PALLD: variants seen among roughly 807,000 people sequenced by gnomAD.
The protein encoded by PALLD is palladin.
A neutral mutation model predicts 123.5 loss-of-function variants in PALLD; 61 were observed. That is an observed-to-expected ratio of 0.49 (90% CI 0.40 to 0.61). PALLD has a LOEUF of 0.61. Ranked by LOEUF, PALLD falls within the 20% of genes least tolerant of loss-of-function variation. The pLI, the probability that PALLD is intolerant of heterozygous loss-of-function variation, is 0.00. For synonymous variants in PALLD, 465 were observed against 496.4 expected (o/e 0.94, Z 0.84); for missense variants, 1,273 against 1,377.0 (o/e 0.92, Z 1.20).
chr4:168,910,870 G>A (rs1467799963), intron 15 of PALLD, among the ~76,000 whole-genome samples: 1 of 152,126 alleles, frequency 6.6e-6, no homozygotes, highest in African/African-American at 2.4e-5. Context: ...GGTTAAATAT[G>A]AAAGAATTTT....
At chr4:168,819,524 A>G (rs1221153268) in intron 10 of PALLD, among the ~76,000 whole-genome samples, 1 of 152,200 alleles carries the variant, frequency 6.6e-6, no homozygotes, top group Non-Finnish European at 1.5e-5. Context: ...TTGGGAGCCA[A>G]TCCTGACATT....
intron 10 of PALLD, among the ~76,000 whole-genome samples, chr4:168,850,814 G>A (rs1747669633): frequency 6.6e-6 from 1 of 151,962 alleles, no homozygotes; most frequent in African/African-American, 2.4e-5. Flanking sequence ...TTACAGGCAT[G>A]AGCCACCGCG....
At chr4:168,708,034 G>A (rs189532353) in intron 8 of PALLD, among the ~76,000 whole-genome samples, 153 of 152,318 alleles carry the variant, frequency 1.0e-3, no homozygotes, top group Middle Eastern at 3.4e-3. Context: ...GGTGGTTAGG[G>A]TTTGGAGTCT....
At chr4:168,915,240 T>C (rs1478201637) in intron 16 of PALLD, among the ~76,000 whole-genome samples, 1 of 152,226 alleles carries the variant, frequency 6.6e-6, no homozygotes, top group Admixed American at 6.5e-5. Flanking sequence ...ACTGACAGAA[T>C]TTGTATTCAA....
intron 10 of PALLD, among the ~76,000 whole-genome samples, chr4:168,782,639 G>C (rs1736082069): frequency 6.6e-6 from 1 of 152,162 alleles, no homozygotes; most frequent in African/African-American, 2.4e-5. Flanking sequence ...GCCGGTCACG[G>C]TGGCTCATGA....
intron 2 of PALLD, among the ~76,000 whole-genome samples, chr4:168,539,547 CACTG>C (rs1485363514): frequency 6.6e-6 from 1 of 151,332 alleles, no homozygotes; most frequent in African/African-American, 2.4e-5. Flanking sequence ...GAGATGGCGC[CACTG>C]ACTGTCTCAA....
intron 5 of PALLD, among the ~76,000 whole-genome samples, chr4:168,683,921 CA>C (rs1464806564): frequency 1.3e-5 from 2 of 152,126 alleles, no homozygotes; most frequent in Non-Finnish European, 2.9e-5. Context: ...GTGGAAAATA[CA>C]AACAGTAGAG....
chr4:168,588,487 C>T (rs951729541), intron 2 of PALLD, among the ~76,000 whole-genome samples: 4 of 152,062 alleles, frequency 2.6e-5, no homozygotes, highest in Admixed American at 2.0e-4. Context: ...CTTCATCCTC[C>T]GCCTCCTGGG....
In PALLD at chr4:168,808,277, G is replaced by C. The variant is rs533535934; in HGVS notation, c.1965-82645G>C. Among the ~76,000 whole-genome samples the C allele has an allele frequency of 9.9e-5, 15 of 151,726 alleles. No homozygotes were observed. In the East Asian group the frequency reaches 2.9e-3, roughly 30 times the overall value. On this transcript the variant is annotated intron_variant, in intron 10 of 21. Transcript: ENST00000505667. Reference sequence around the variant, plus strand: ...GGGCGGATCACAAGGTCAGGAGATCGAGACCATCCTGGCTAACATGGTGAA... The same window carrying C: ...GGGCGGATCACAAGGTCAGGAGATCCAGACCATCCTGGCTAACATGGTGAA...
At chr4:168,665,154 A>G (rs1167960376) in intron 2 of PALLD, among the ~76,000 whole-genome samples, 2 of 152,326 alleles carry the variant, frequency 1.3e-5, no homozygotes, top group African/African-American at 4.8e-5. Context: ...TGTTTCTGAG[A>G]TCACAGGCCC....
At chr4:168,565,595 A>C (rs1236518205) in intron 2 of PALLD, among the ~76,000 whole-genome samples, 1 of 152,102 alleles carries the variant, frequency 6.6e-6, no homozygotes, top group African/African-American at 2.4e-5. Context: ...GCCAGGTCTA[A>C]TGTCATCTGG....
chr4:168,833,208 T>C (rs1343069751), intron 10 of PALLD, among the ~76,000 whole-genome samples: 1 of 152,032 alleles, frequency 6.6e-6, no homozygotes, highest in Non-Finnish European at 1.5e-5. Context: ...TTGGGACCTT[T>C]GCTCTCTTGC....
In PALLD at chr4:168,685,536, T is replaced by C. The variant is rs1781946839; in HGVS notation, c.1312T>C (p.Tyr438His). 1 of 1,612,040 alleles carries C rather than the reference T, an allele frequency of 6.2e-7. No homozygotes were observed. Among genetic ancestry groups the C allele is most frequent in the South Asian group, 1.1e-5 (1 of 91,052 alleles). Residue 438 changes from tyrosine (Y) to histidine (H), a missense_variant, in exon 6 of 22, where the codon TAC (tyrosine) becomes CAC (histidine). By Grantham distance (83) the Tyr-to-His change is moderately conservative. Transcript: ENST00000505667. Reference sequence around the variant, plus strand: ...CCGACCTGATGGAACCACTACTGCCTACTTTCCTCCTGTTTTTACAAAGGT... The same window carrying C: ...CCGACCTGATGGAACCACTACTGCCCACTTTCCTCCTGTTTTTACAAAGGT... ...LCRPDGTTTA[Y>H]FPPVFTKELQ...
chr4:168,611,986 C>T (rs1385823941), intron 2 of PALLD, among the ~76,000 whole-genome samples: 1 of 151,968 alleles, frequency 6.6e-6, no homozygotes, highest in Non-Finnish European at 1.5e-5. Context: ...ATGGCAAAAC[C>T]CCATCTCAAC....
At chr4:168,740,126 C>T (rs992173067) in intron 10 of PALLD, among the ~76,000 whole-genome samples, 5 of 151,658 alleles carry the variant, frequency 3.3e-5, no homozygotes, top group African/African-American at 1.2e-4. Context: ...AAAAAAAAAA[C>T]TTGTAAATTT....
chr4:168,532,183 C>T (rs963720787), intron 2 of PALLD, among the ~76,000 whole-genome samples: 18 of 152,094 alleles, frequency 1.2e-4, no homozygotes, highest in African/African-American at 3.9e-4. Flanking sequence ...TGAGAAGGTG[C>T]GGTATTTGGT....
intron 10 of PALLD, among the ~76,000 whole-genome samples, chr4:168,747,541 G>A (rs1196638348): frequency 1.3e-5 from 2 of 152,184 alleles, no homozygotes; most frequent in African/African-American, 2.4e-5. Flanking sequence ...TGAAACTACA[G>A]ATGTCCAAGG....
chr4:168,538,214 T>C (rs1765271189), intron 2 of PALLD, among the ~76,000 whole-genome samples: 1 of 152,212 alleles, frequency 6.6e-6, no homozygotes, highest in Non-Finnish European at 1.5e-5. Flanking sequence ...TATAGAATTA[T>C]AAAATGTGCC....
chr4:168,866,379 AAG>A (rs146315835), intron 10 of PALLD, among the ~76,000 whole-genome samples: 3,360 of 152,332 alleles, frequency 0.022, 126 homozygotes, highest in African/African-American at 0.074. Context: ...GTGTTCAAAA[AAG>A]AGAGTGAAGG....
Sources: allele counts gnomAD v4.1 joint callset (sites outside exome capture counted in the v4.1 genomes callset), GRCh38; gene constraint gnomAD v4.1.1; transcripts MANE v1.5; gene names NCBI Gene and HGNC (gene_info 2026-07-23, HGNC 2026-07-21).